The following INVS variants were observed in gnomAD, a reference collection of about 807,000 sequenced individuals.
INVS encodes inversion of embryo turning homolog.
In INVS, 86 loss-of-function variants were observed where a neutral mutation model predicts 108.8. The observed-to-expected ratio is 0.79, with a 90% CI of 0.66 to 0.95. INVS has a LOEUF of 0.95. Ranked by LOEUF, INVS falls within the 40% of genes least tolerant of loss-of-function variation. The pLI, the probability that INVS is intolerant of heterozygous loss-of-function variation, is 0.00. For missense variants in INVS, 1,169 were observed against 1,297.4 expected (o/e 0.90, Z 1.52); for synonymous variants, 455 against 473.5 (o/e 0.96, Z 0.51).
At chr9:100,253,291 C>A (rs1046578955) in intron 10 of INVS, among the ~76,000 whole-genome samples, 155 bp downstream of exon 10, 2 of 151,990 alleles carry the variant, frequency 1.3e-5, no homozygotes, top group Non-Finnish European at 2.9e-5. Context: ...TGTTCTCTTC[C>A]AGTCTTTTTC....
chr9:100,255,661 G>A (rs1232890678), intron 10 of INVS, among the ~76,000 whole-genome samples: 10 of 152,138 alleles, frequency 6.6e-5, no homozygotes, highest in African/African-American at 9.7e-5. Context: ...TTCTGCATCT[G>A]TTGAGATAAT....
Position 100,283,046 on chromosome 9 carries a change from C to T in INVS, c.1785-1274C>T, listed in dbSNP as rs149707672. 1.5e-3 allele frequency among the ~76,000 whole-genome samples: 221 copies of T among 152,314 alleles called. 1 individual carries two copies. The highest frequency in any genetic ancestry group is 5.1e-3 in the African/African-American group (213 of 41,562). ...CTTTTCAGCCGGGCGCGGTGGCTCA[C>T]GCCTATAATCCCAACCCTTTGGGAG... is the stretch of plus-strand genomic sequence containing the variant. On this transcript the variant is annotated intron_variant, in intron 12 of 16. Transcript: ENST00000262457.
At chr9:100,238,320 G>C (rs987588126) in intron 5 of INVS, among the ~76,000 whole-genome samples, 6 of 151,972 alleles carry the variant, frequency 3.9e-5, no homozygotes, top group African/African-American at 1.5e-4. Context: ...TTGCTCTTAA[G>C]GAGTCTGTTA....
chr9:100,153,727 G>A (rs941616609), intron 3 of INVS, among the ~76,000 whole-genome samples: 1 of 152,202 alleles, frequency 6.6e-6, no homozygotes, highest in African/African-American at 2.4e-5. Flanking sequence ...AGCATCTGCT[G>A]AGGGACTTCA....
chr9:100,263,709 A>G (rs1307511151), intron 10 of INVS, among the ~76,000 whole-genome samples: 1 of 152,222 alleles, frequency 6.6e-6, no homozygotes, highest in Non-Finnish European at 1.5e-5. Context: ...AGGCACTAGG[A>G]TATGGACATC....
At chr9:100,132,440 C>A (rs1165743059) in intron 3 of INVS, among the ~76,000 whole-genome samples, 1 of 152,166 alleles carries the variant, frequency 6.6e-6, no homozygotes, top group African/African-American at 2.4e-5. Flanking sequence ...AAACAATGCT[C>A]TTGTATGCCT....
intron 12 of INVS, among the ~76,000 whole-genome samples, chr9:100,274,056 A>T (rs1833044316): frequency 6.6e-6 from 1 of 152,088 alleles, no homozygotes; most frequent in South Asian, 2.1e-4. Flanking sequence ...TGATTATTTC[A>T]CATAAATGAT....
intron 2 of INVS, among the ~76,000 whole-genome samples, chr9:100,125,935 C>T (rs1447484194): frequency 6.6e-6 from 1 of 152,158 alleles, no homozygotes; most frequent in African/African-American, 2.4e-5. Context: ...ATCTGCCCAC[C>T]TTGGCCTCCC....
At chr9:100,177,621 C>G (rs1438159809) in intron 3 of INVS, among the ~76,000 whole-genome samples, 1 of 152,190 alleles carries the variant, frequency 6.6e-6, no homozygotes, top group East Asian at 1.9e-4. Flanking sequence ...AGGCAGAAGC[C>G]CCAGTCAGGG....
At chr9:100,207,800 T>C (rs898122331) in intron 3 of INVS, among the ~76,000 whole-genome samples, 2 of 152,196 alleles carry the variant, frequency 1.3e-5, no homozygotes, top group Non-Finnish European at 2.9e-5. Flanking sequence ...TTCCCAATTT[T>C]TAATAGTTTT....
chr9:100,265,710 G>A (rs527642488), intron 11 of INVS, among the ~76,000 whole-genome samples: 1 of 152,318 alleles, frequency 6.6e-6, no homozygotes, highest in African/African-American at 2.4e-5. Context: ...TAATCTAAAT[G>A]CAGATTGCAT....
At chr9:100,140,062 C>A (rs1451174696) in intron 3 of INVS, among the ~76,000 whole-genome samples, 1 of 152,206 alleles carries the variant, frequency 6.6e-6, no homozygotes, top group Non-Finnish European at 1.5e-5. Flanking sequence ...ACCACTTATC[C>A]ATTAAACAGT....
intron 3 of INVS, among the ~76,000 whole-genome samples, chr9:100,162,280 A>C (rs1417946024): frequency 6.6e-6 from 1 of 152,206 alleles, no homozygotes; most frequent in African/African-American, 2.4e-5. Context: ...GAATAACATA[A>C]AAGTGGCTTA....
intron 2 of INVS, among the ~76,000 whole-genome samples, chr9:100,122,966 T>C (rs1385404317): frequency 6.6e-6 from 1 of 152,214 alleles, no homozygotes; most frequent in African/African-American, 2.4e-5. Context: ...AATGTTAAGA[T>C]TTAAGATTTC....
chr9:100,220,905 G>A (rs1831127844), intron 3 of INVS, among the ~76,000 whole-genome samples: 1 of 151,736 alleles, frequency 6.6e-6, no homozygotes, highest in African/African-American at 2.4e-5. Context: ...GAACCCTGAA[G>A]GCAGAGGTTG....
intron 2 of INVS, among the ~76,000 whole-genome samples, chr9:100,111,215 A>G (rs983535554): frequency 2.0e-5 from 3 of 152,252 alleles, no homozygotes; most frequent in Admixed American, 6.5e-5. Context: ...CAAGCAAATA[A>G]GATACAAATA....
At chr9:100,109,168 T>A (rs1487235798) in intron 2 of INVS, among the ~76,000 whole-genome samples, 1 of 152,174 alleles carries the variant, frequency 6.6e-6, no homozygotes. Context: ...TAAACCTGAG[T>A]TTTAAGTTCT....
At chr9:100,241,700 TC>T in intron 6 of INVS, among the ~76,000 whole-genome samples, 1 of 152,222 alleles carries the variant, frequency 6.6e-6, no homozygotes, top group East Asian at 1.9e-4. Flanking sequence ...TTGTCTTTAA[TC>T]CCACATTTGT....
chr9:100,173,170 G>C (rs1048865932), intron 3 of INVS, among the ~76,000 whole-genome samples: 1 of 152,284 alleles, frequency 6.6e-6, no homozygotes, highest in African/African-American at 2.4e-5. Context: ...TATTGGATCA[G>C]CCCTCCAGTA....
Sources: allele counts gnomAD v4.1 joint callset (sites outside exome capture counted in the v4.1 genomes callset), GRCh38; gene constraint gnomAD v4.1.1; transcripts MANE v1.5; gene names NCBI Gene and HGNC (gene_info 2026-07-23, HGNC 2026-07-21).